Variants in CGN observed in about 807,000 individuals in gnomAD.
The protein encoded by CGN is cingulin.
In CGN, 121 loss-of-function variants were observed where a neutral mutation model predicts 157.1. The ratio of observed to expected loss-of-function variants is 0.77; its 90% CI spans 0.66 to 0.90. The LOEUF is 0.90. Ranked by LOEUF, CGN falls within the 40% of genes least tolerant of loss-of-function variation. The pLI is 0.00. For missense variants in CGN, 1,424 were observed against 1,520.9 expected, an observed-to-expected ratio of 0.94 and a Z score of 1.06; for synonymous variants, 535 against 607.5, an observed-to-expected ratio of 0.88 and a Z score of 1.76.
At chr1:151,537,014 G>C (rs1012395670) in intron 20 of CGN, 121 bp downstream of exon 20, 17 of 1,257,460 alleles carry the variant, frequency 1.4e-5, no homozygotes, top group Admixed American at 5.4e-5. Context: ...CTTGTTTCTG[G>C]TTGGAAGCCA....
In CGN at chr1:151,523,539, G is replaced by A. The variant is rs1664591533; in HGVS notation, c.1246G>A (p.Glu416Lys). Residue 416 changes from glutamate (E) to lysine (K), a missense_variant, in exon 6 of 21, where the codon GAG becomes AAG. Glu to Lys is a moderately conservative substitution (Grantham distance 56). This residue lies in a region of CGN where 1,187 missense variants were observed against 1,217.6 expected (regional missense o/e 0.97). Coordinates refer to ENST00000271636, the MANE Select transcript of CGN (RefSeq NM_020770.3). ...LQELLERRKG[E>K]AQQSNKELQN... Reference sequence around the variant, plus strand: ...GGAGCTGCTGGAGAGGAGGAAGGGGGAGGCCCAGCAGAGCAACAAGGAGTG... The same window carrying A: ...GGAGCTGCTGGAGAGGAGGAAGGGGAAGGCCCAGCAGAGCAACAAGGAGTG... 1 of 1,611,736 alleles carries A rather than the reference G, an allele frequency of 6.2e-7. No individual in the cohort carries two copies. Among genetic ancestry groups the A allele is most frequent in the East Asian group, 2.2e-5 (1 of 44,798 alleles).
intron 1 of CGN, among the ~76,000 whole-genome samples, chr1:151,516,741 C>T (rs1249157288): frequency 5.3e-5 from 8 of 151,688 alleles, no homozygotes; most frequent in African/African-American, 1.9e-4. Flanking sequence ...AGGGTTTCAC[C>T]ATGTTGGTCA....
chr1:151,520,432 C>T lies in CGN; in HGVS notation c.993C>T (p.Thr331=). The change falls in exon 4 of 21, where the codon ACC becomes ACT. Residue 331 remains threonine, a synonymous_variant. Coordinates refer to ENST00000271636, the MANE Select transcript of CGN (RefSeq NM_020770.3). ...CCTCTAGAAGCTCAGAAAGTGAAAC[C>T]TCTGTGAGGAGGAAGGTTAGTTTGG... ...ILREGSSESE[T]SVRRKVSLVL... 6.2e-7 allele frequency: 1 copy of T among 1,614,144 alleles called. No homozygotes were observed. Among genetic ancestry groups the T allele is most frequent in the Non-Finnish European group, 8.5e-7 (1 of 1,180,000 alleles).
At chr1:151,520,897 T>C (rs1265974606) in intron 5 of CGN, among the ~76,000 whole-genome samples, 1 of 152,216 alleles carries the variant, frequency 6.6e-6, no homozygotes, top group Non-Finnish European at 1.5e-5. Context: ...GGAATCTACC[T>C]ACCTTCCATT....
chr1:151,520,272 T>G lies in CGN; in HGVS notation c.974+6T>G. On this transcript the variant is annotated splice_donor_region_variant and intron_variant, in intron 3 of 20. Transcript: ENST00000271636. ...TATGGCATCCTGAGGGAGGGGTGAG[T>G]GGGGGCCCCCCCAACAACAGAGGCA... The G allele has an allele frequency of 6.2e-7, 1 of 1,610,624 alleles. No homozygotes were observed. Among genetic ancestry groups the G allele is most frequent in the Non-Finnish European group, 8.5e-7 (1 of 1,177,662 alleles).
At chr1:151,537,122 G>A (rs916492625) in intron 20 of CGN, 83 bp from the exon 21 acceptor site, 2 of 1,465,140 alleles carry the variant, frequency 1.4e-6, no homozygotes, top group Middle Eastern at 1.8e-4. Flanking sequence ...TAGAAGAATT[G>A]GGGTTTCCTT....
chr1:151,520,771 C>T (rs1664528335), intron 5 of CGN, 80 bp downstream of exon 5: 1 of 1,105,832 alleles, frequency 9.0e-7, no homozygotes, highest in Non-Finnish European at 1.3e-6. Flanking sequence ...TGAGCTGACC[C>T]TTCTAAGCAA....
chr1:151,529,277 G>GT, intron 10 of CGN, 73 bp from the exon 11 acceptor site: 1 of 1,320,386 alleles, frequency 7.6e-7, no homozygotes, highest in South Asian at 1.2e-5. Flanking sequence ...GTGTATGAGA[G>GT]TTTCAGCTTC....
chr1:151,511,587 G>C lies in CGN; in HGVS notation c.-15+72G>C, dbSNP rs1206633145. ...CTTCAGGGGTACCTTTGAGGGGCAG[G>C]CATCGAGGCGGTGTGAGATGCCCCT... On this transcript the variant is annotated intron_variant, in intron 1 of 20. Transcript: ENST00000271636. The surrounding 1 kb of genome is among the most constrained non-coding windows in gnomAD (Gnocchi z 4.8). 1 of 153,518 alleles carries C rather than the reference G, an allele frequency of 6.5e-6. No individual in the cohort carries two copies. The highest frequency in any genetic ancestry group is 2.4e-5 in the African/African-American group (1 of 41,370). 9.5% of individuals were successfully genotyped at this position (153,518 alleles called of 1,614,324 possible). A position where few individuals can be genotyped will look rare whatever the true frequency, so the allele number is the denominator to read the frequency against.
chr1:151,528,277 G>A lies in CGN; in HGVS notation c.1897-1073G>A, dbSNP rs554240413. On this transcript the variant is annotated intron_variant, in intron 10 of 20. Transcript: ENST00000271636. ...GCCGGGATTACAGGCGTGAGCCACC[G>A]CACCCAGCCTCACACTGTATTTTTT... 1.3e-3 allele frequency among the ~76,000 whole-genome samples: 193 copies of A among 151,590 alleles called. 1 individual carries two copies. The highest frequency in any genetic ancestry group is 3.4e-3 in the Middle Eastern group (1 of 294).
intron 8 of CGN, among the ~76,000 whole-genome samples, chr1:151,525,194 T>C (rs1017286842): frequency 5.3e-5 from 8 of 152,008 alleles, no homozygotes; most frequent in African/African-American, 1.9e-4. Flanking sequence ...CTCAGGAAGT[T>C]AGAGACCAGC....
At chr1:151,529,624 A>G in intron 11 of CGN, 65 bp downstream of exon 11, 1 of 1,438,134 alleles carries the variant, frequency 7.0e-7, no homozygotes, top group Non-Finnish European at 9.6e-7. Context: ...CTGAGGAGCC[A>G]GAGGGTGTGG....
At position 151,520,553 on chromosome 1, in the gene CGN, T is replaced by C. The variant is rs564571176; in HGVS notation, c.1045-43T>C. The C allele has an allele frequency of 1.9e-6, 3 of 1,612,398 alleles. No individual in the cohort carries two copies. In the South Asian group the frequency reaches 3.3e-5, roughly 18 times the overall value. On this transcript the variant is annotated intron_variant, in intron 4 of 20. Coordinates refer to ENST00000271636, the MANE Select transcript of CGN (RefSeq NM_020770.3). ...TTTGAGGGCCTCAGGGGATCCAGAC[T>C]TGGACTCACTCCCTTCCCCCACACC...
Position 151,520,630 on chromosome 1 carries a change from G to T in CGN, c.1079G>T (p.Gly360Val), listed in dbSNP as rs774764560. Residue 360 changes from glycine to valine, a missense_variant, in exon 5 of 21, where the codon GGG becomes GTG. Gly to Val is a moderately radical substitution (Grantham distance 109). Transcript: ENST00000271636. ...VSSGSTKAVAGQGELTRKVEE... is the reference protein window; with the variant it reads ...VSSGSTKAVAVQGELTRKVEE... ...TCTGGTTCTACTAAGGCCGTGGCAGGGCAGGGTGAGCTTACCCGAAAAGTG... is the reference window on the plus strand; with the variant it reads ...TCTGGTTCTACTAAGGCCGTGGCAGTGCAGGGTGAGCTTACCCGAAAAGTG... 2 of 1,614,196 alleles carry T rather than the reference G, an allele frequency of 1.2e-6. No homozygotes were observed. Among genetic ancestry groups the T allele is most frequent in the Non-Finnish European group, 8.5e-7 (1 of 1,180,036 alleles).
chr1:151,520,081 A>G (rs1181524089), intron 2 of CGN, 85 bp from the exon 3 acceptor site: 11 of 1,020,968 alleles, frequency 1.1e-5, no homozygotes, highest in Non-Finnish European at 1.6e-5. Flanking sequence ...CTTCTCCTCC[A>G]TCTGAACCCC....
In CGN at chr1:151,523,474, G is replaced by T. The variant is rs142518497; in HGVS notation, c.1181G>T (p.Arg394Leu). ...GAGCCATCCCAAGTTGGGCTGGAGC[G>T]GCAGCTGGAGGAGAAAACAGAAGAG... ...KLEPSQVGLE[R>L]QLEEKTEECS... The change falls in exon 6 of 21, where the codon CGG becomes CTG. Residue 394 changes from arginine (R) to leucine (L), a missense_variant. Arg to Leu is a moderately radical substitution (Grantham distance 102). Around this residue, in one of 3 missense-constraint regions of CGN, gnomAD observed 1,187 missense variants for 1,217.6 expected, o/e 0.97. Coordinates refer to ENST00000271636, the MANE Select transcript of CGN (RefSeq NM_020770.3). 1 of 1,613,482 alleles carries T rather than the reference G, an allele frequency of 6.2e-7. No homozygotes were observed. The highest frequency in any genetic ancestry group is 8.5e-7 in the Non-Finnish European group (1 of 1,179,796).
chr1:151,528,971 G>A (rs1664762836), intron 10 of CGN, among the ~76,000 whole-genome samples: 1 of 152,204 alleles, frequency 6.6e-6, no homozygotes, highest in African/African-American at 2.4e-5. Flanking sequence ...GTGGTAGCAA[G>A]TATGAGTACT....
intron 9 of CGN, among the ~76,000 whole-genome samples, 185 bp downstream of exon 9, chr1:151,525,975 A>G (rs1664669728): frequency 6.6e-6 from 1 of 151,206 alleles, no homozygotes; most frequent in Non-Finnish European, 1.5e-5. Context: ...TGAGTTGAAC[A>G]GATTCTCCTG....
At chr1:151,510,528 T>C (rs1348319374), upstream of CGN, 1 of 152,204 alleles carries the variant, frequency 6.6e-6, no homozygotes, top group Admixed American at 6.5e-5. Flanking sequence ...GCATCCCTAC[T>C]TTTTGAGAGG....
Sources: allele counts gnomAD v4.1 joint callset (sites outside exome capture counted in the v4.1 genomes callset), GRCh38; gene constraint gnomAD v4.1.1; regional missense constraint gnomAD v4.1.1; non-coding constraint Gnocchi (gnomAD v3.1); transcripts MANE v1.5; gene names NCBI Gene and HGNC (gene_info 2026-07-23, HGNC 2026-07-21).